Variants in RASGRP3 observed in about 807,000 individuals in gnomAD.
RASGRP3 encodes the protein RAS guanyl releasing protein 3.
In RASGRP3, 54 loss-of-function variants were observed where a neutral mutation model predicts 82.7. The observed-to-expected ratio is 0.65, with a 90% CI of 0.52 to 0.82. The LOEUF (loss-of-function observed/expected upper bound fraction) is 0.82. Ranked by LOEUF, RASGRP3 falls within the 40% of genes least tolerant of loss-of-function variation. The pLI, the probability that RASGRP3 is intolerant of heterozygous loss-of-function variation, is 0.00. For missense variants in RASGRP3, 861 were observed against 828.9 expected (o/e 1.04, Z -0.48); for synonymous variants, 309 against 300.5 (o/e 1.03, Z -0.29).
chr2:33,555,445 C>A, intron 14 of RASGRP3, 86 bp from the exon 15 acceptor site: 2 of 1,214,164 alleles, frequency 1.6e-6, no homozygotes, highest in Non-Finnish European at 2.4e-6. Flanking sequence ...AGTCCTGAAG[C>A]TTCCCAGGAC....
intron 2 of RASGRP3, among the ~76,000 whole-genome samples, chr2:33,448,788 C>T (rs1338311691): frequency 6.6e-6 from 1 of 151,972 alleles, no homozygotes; most frequent in East Asian, 1.9e-4. Flanking sequence ...CTGAATAGTA[C>T]ACGTAAAAAT....
At chr2:33,562,057 T>G (rs1676721153) in intron 17 of RASGRP3, among the ~76,000 whole-genome samples, 1 of 152,198 alleles carries the variant, frequency 6.6e-6, no homozygotes, top group Admixed American at 6.5e-5. Context: ...GTCATACATA[T>G]GTACATATAC....
At chr2:33,538,777 G>A (rs1182458335) in intron 11 of RASGRP3, among the ~76,000 whole-genome samples, 5 of 152,028 alleles carry the variant, frequency 3.3e-5, no homozygotes, top group South Asian at 2.1e-4. Flanking sequence ...GGTAGCTCAT[G>A]CCTATAATCC....
intron 10 of RASGRP3, among the ~76,000 whole-genome samples, chr2:33,529,557 T>A (rs1672914074): frequency 6.9e-6 from 1 of 145,650 alleles, no homozygotes; most frequent in African/African-American, 2.5e-5. Context: ...AAGAAAAAAA[T>A]TCCTTTTTGC....
intron 1 of RASGRP3, among the ~76,000 whole-genome samples, chr2:33,498,121 C>T (rs1044035852): frequency 1.3e-5 from 2 of 152,122 alleles, no homozygotes; most frequent in African/African-American, 4.8e-5. Context: ...GGAATCATTG[C>T]ATCCCTCAGT....
intron 17 of RASGRP3, chr2:33,559,663 A>G (rs1446516489): frequency 1.9e-6 from 1 of 517,674 alleles, no homozygotes; most frequent in Non-Finnish European, 3.9e-6. Context: ...TTAACAGTCT[A>G]TAGTGTATTA....
intron 10 of RASGRP3, among the ~76,000 whole-genome samples, chr2:33,528,324 C>T (rs1672778710): frequency 6.6e-6 from 1 of 152,178 alleles, no homozygotes; most frequent in South Asian, 2.1e-4. Context: ...GTTCACCTAC[C>T]ACTCATAGTT....
chr2:33,502,460 A>C (rs1437180199), intron 1 of RASGRP3, among the ~76,000 whole-genome samples: 2 of 148,558 alleles, frequency 1.3e-5, no homozygotes, highest in African/African-American at 2.5e-5. Context: ...CCTTATTCCT[A>C]TTCCTTGGTC....
intron 10 of RASGRP3, among the ~76,000 whole-genome samples, chr2:33,528,493 G>C (rs1672792166): frequency 6.6e-6 from 1 of 152,230 alleles, no homozygotes; most frequent in African/African-American, 2.4e-5. Context: ...AAGTAGAGGT[G>C]CAACTTCCCT....
At position 33,549,696 on chromosome 2, in the gene RASGRP3, A is replaced by G. The variant is rs1320578213; in HGVS notation, c.1487A>G (p.Asn496Ser). The change falls in exon 14 of 18, where the codon AAT becomes AGT. Residue 496 changes from asparagine to serine, a missense_variant. Coordinates refer to ENST00000403687, the MANE Select transcript of RASGRP3 (RefSeq NM_001139488.2). ...HCKMGPGFIH[N>S]FQEMTYLKPT... Reference sequence around the variant, plus strand: ...AAAATGGGACCAGGATTTATCCATAATTTTCAGGAGATGACCTATCTCAAG... The same window carrying G: ...AAAATGGGACCAGGATTTATCCATAGTTTTCAGGAGATGACCTATCTCAAG... The G allele has an allele frequency of 2.8e-5, 45 of 1,613,840 alleles. 1 individual carries two copies. The highest frequency in any genetic ancestry group is 3.6e-5 in the Non-Finnish European group (43 of 1,179,870).
chr2:33,534,006 C>T (rs1429569725), intron 10 of RASGRP3: 8 of 291,700 alleles, frequency 2.7e-5, no homozygotes, highest in Non-Finnish European at 3.9e-5. Context: ...TTATTGTTTG[C>T]ATCTGTCCCC....
intron 1 of RASGRP3, chr2:33,482,583 T>C (rs1349991375): frequency 6.6e-6 from 1 of 152,208 alleles, no homozygotes; most frequent in Non-Finnish European, 1.5e-5. Flanking sequence ...CTACCATGAA[T>C]AGTGTCCACT....
chr2:33,508,163 C>G (rs557723788), intron 1 of RASGRP3, among the ~76,000 whole-genome samples: 1 of 152,170 alleles, frequency 6.6e-6, no homozygotes, highest in South Asian at 2.1e-4. Flanking sequence ...GGAGGAGAAA[C>G]AAGTTTGTGG....
At chr2:33,481,193 A>C (rs930139485) in intron 1 of RASGRP3, 7 of 152,256 alleles carry the variant, frequency 4.6e-5, no homozygotes, top group African/African-American at 1.7e-4. Flanking sequence ...ATGGAGTTTC[A>C]CTCTGTCGCC....
intron 1 of RASGRP3, among the ~76,000 whole-genome samples, chr2:33,495,966 C>T (rs1669269568): frequency 6.6e-6 from 1 of 152,114 alleles, no homozygotes; most frequent in Non-Finnish European, 1.5e-5. Context: ...TGAGCAGAAC[C>T]AATTTTTCCA....
Position 33,527,297 on chromosome 2 carries a change from A to G in RASGRP3, c.968A>G (p.Asn323Ser). The G allele has an allele frequency of 6.2e-7, 1 of 1,614,032 alleles. No homozygotes were observed. The highest frequency in any genetic ancestry group is 8.5e-7 in the Non-Finnish European group (1 of 1,179,874). Residue 323 changes from asparagine to serine, a missense_variant, in exon 10 of 18, where the codon AAC becomes AGC. Transcript: ENST00000403687. Reference protein sequence around the residue: ...HVIFPDWTEENKVNIVKMHQL... With the variant: ...HVIFPDWTEESKVNIVKMHQL... ...ATTTTCCCAGACTGGACAGAGGAGAACAAAGTGAACATTGTGAAAATGCAC... is the reference window on the plus strand; with the variant it reads ...ATTTTCCCAGACTGGACAGAGGAGAGCAAAGTGAACATTGTGAAAATGCAC...
At chr2:33,474,712 T>C (rs1021536947), upstream of RASGRP3, among the ~76,000 whole-genome samples, 3 of 152,196 alleles carry the variant, frequency 2.0e-5, no homozygotes, top group Admixed American at 6.5e-5. Context: ...ACCATGATTG[T>C]AAGTTTCACG....
At chr2:33,527,091 A>G (rs1422150996) in intron 9 of RASGRP3, 46 bp from the exon 10 acceptor site, 1 of 1,599,150 alleles carries the variant, frequency 6.3e-7, no homozygotes, top group African/African-American at 1.3e-5. Context: ...GGGGGTGTGC[A>G]GGAGGGAAAG....
chr2:33,512,297 C>A (rs922020132), intron 2 of RASGRP3, among the ~76,000 whole-genome samples: 20 of 152,160 alleles, frequency 1.3e-4, no homozygotes, highest in African/African-American at 4.8e-4. Flanking sequence ...AACACCTTCC[C>A]CAGACAGCTC....
Sources: allele counts gnomAD v4.1 joint callset (sites outside exome capture counted in the v4.1 genomes callset), GRCh38; gene constraint gnomAD v4.1.1; transcripts MANE v1.5; gene names NCBI Gene and HGNC (gene_info 2026-07-23, HGNC 2026-07-21).